Variants in EARS2 observed in about 807,000 individuals in gnomAD.
EARS2 encodes nondiscriminating glutamyl-tRNA synthetase EARS2, mitochondrial.
In EARS2, 50 loss-of-function variants were observed where a neutral mutation model predicts 54.1. The observed-to-expected ratio is 0.92, with a 90% confidence interval of 0.74 to 1.17. EARS2 has a LOEUF of 1.17. Among genes scored for constraint, EARS2 ranks in the 50% most tolerant of loss-of-function variants. The pLI is 0.00. For missense variants in EARS2, 673 were observed against 675.0 expected (o/e 1.00, Z 0.03); for synonymous variants, 298 against 281.0 (o/e 1.06, Z -0.61).
chr16:23,543,469 T>C (rs1336316840), intron 3 of EARS2, among the ~76,000 whole-genome samples: 1 of 150,858 alleles, frequency 6.6e-6, no homozygotes, highest in Admixed American at 6.6e-5. Context: ...CTGATCTGGC[T>C]GGGCACGGTG....
chr16:23,536,152 A>G (rs1266500481), intron 3 of EARS2, among the ~76,000 whole-genome samples: 1 of 152,188 alleles, frequency 6.6e-6, no homozygotes, highest in Non-Finnish European at 1.5e-5. Flanking sequence ...CAGAATCTGA[A>G]CATTAACTAG....
At chr16:23,555,928 C>T (rs372922911) in intron 1 of EARS2, among the ~76,000 whole-genome samples, 5 of 152,342 alleles carry the variant, frequency 3.3e-5, no homozygotes, top group African/African-American at 9.6e-5. Context: ...ATGATTTTAC[C>T]TCTGCTAACC....
intron 3 of EARS2, among the ~76,000 whole-genome samples, chr16:23,542,426 T>C (rs934855845): frequency 1.7e-4 from 26 of 148,654 alleles, no homozygotes; most frequent in African/African-American, 6.2e-4. Flanking sequence ...CAAATGATTC[T>C]CCTGCCTCAG....
chr16:23,534,034 G>A (rs1404184949), intron 4 of EARS2, among the ~76,000 whole-genome samples: 1 of 148,262 alleles, frequency 6.7e-6, no homozygotes, highest in Non-Finnish European at 1.5e-5. Flanking sequence ...CCAGAATGGG[G>A]GACAAGAAGT....
chr16:23,548,076 A>G (rs1965633796), intron 2 of EARS2, among the ~76,000 whole-genome samples: 1 of 151,786 alleles, frequency 6.6e-6, no homozygotes, highest in Non-Finnish European at 1.5e-5. Flanking sequence ...TAAAAATACA[A>G]AAACAAAATT....
chr16:23,545,511 G>T (rs1344143403), intron 2 of EARS2, among the ~76,000 whole-genome samples: 1 of 152,176 alleles, frequency 6.6e-6, no homozygotes, highest in African/African-American at 2.4e-5. Context: ...CTACCAGGTA[G>T]GTGCGGTTAT....
rs541209848 is a variant in EARS2, at chr16:23,539,393, A to G, written c.486-4033T>C. 3.9e-5 allele frequency among the ~76,000 whole-genome samples: 6 copies of G among 152,220 alleles called. No individual in the cohort carries two copies. The South Asian group carries it at 1.0e-3, about 26-fold the overall frequency. On this transcript the variant is annotated intron_variant, in intron 3 of 8. Transcript: ENST00000449606. The stretch of plus-strand genomic sequence containing the variant: ...TGTCTAGGCTTGACTTTTCCACCCC[A>G]ATGACATTTCACTTTATTAAATATT...
chr16:23,529,574 C>A lies in EARS2; in HGVS notation c.1280G>T (p.Arg427Leu), dbSNP rs749562081. 1 of 1,614,134 alleles carries A rather than the reference C, an allele frequency of 6.2e-7. No homozygotes were observed. The highest frequency in any genetic ancestry group is 1.7e-5 in the Admixed American group (1 of 60,016). ...VSPVYSYLWT[R>L]PAVGRAQLDA... ...CAGCTGTGCTCGACCTACTGCAGGG[C>A]GAGTCCACAGGTAAGAGTATACTGG... The change falls in exon 7 of 9, where the codon CGC becomes CTC. Residue 427 changes from arginine (R) to leucine (L), a missense_variant. Transcript: ENST00000449606.
In EARS2 at chr16:23,544,583, G is replaced by C. The variant is rs1356329203; in HGVS notation, c.416C>G (p.Pro139Arg). 6.2e-7 allele frequency: 1 copy of C among 1,613,980 alleles called. No individual in the cohort carries two copies. Among genetic ancestry groups the C allele is most frequent in the Non-Finnish European group, 8.5e-7 (1 of 1,180,042 alleles). ...EALLKTGAAY[P>R]CFCSPQRLEL... ...CAGCCGCTGGGGTGAGCAGAAACAG[G>C]GGTAAGCAGCTCCGGTCTTCAGCAG... Residue 139 changes from proline to arginine, a missense_variant, in exon 3 of 9, where the codon CCC becomes CGC. This residue lies in a region of EARS2 where 316 missense variants were observed against 275.2 expected (regional missense o/e 1.15). Coordinates refer to ENST00000449606, the MANE Select transcript of EARS2 (RefSeq NM_001083614.2).
intron 2 of EARS2, among the ~76,000 whole-genome samples, chr16:23,547,536 A>C (rs1412104474): frequency 6.6e-6 from 1 of 152,076 alleles, no homozygotes; most frequent in Non-Finnish European, 1.5e-5. Flanking sequence ...GACAGAGTCT[A>C]GCTCTGTCAC....
In EARS2 at chr16:23,522,095, C is replaced by T. The variant is rs757369494; in HGVS notation, c.*2276G>A. 1 of 296,844 alleles carries T rather than the reference C, an allele frequency of 3.4e-6. No homozygotes were observed. The highest frequency in any genetic ancestry group is 6.8e-6 in the Non-Finnish European group (1 of 147,458). 18.4% of individuals were successfully genotyped at this position (296,844 alleles called of 1,614,324 possible). ...ATCTGACACCTGGGAGAGGGTGAGG[C>T]TCATATAAGCGCACAATAAATTACA... is the stretch of plus-strand genomic sequence containing the variant. On this transcript the variant is annotated 3_prime_UTR_variant, in exon 9 of 9. Transcript: ENST00000449606.
In EARS2 at chr16:23,535,192, G is replaced by T; in HGVS notation, c.654C>A (p.Val218=). Residue 218 remains valine (V), a synonymous_variant, in exon 4 of 9, where the codon GTC becomes GTA. Coordinates refer to ENST00000449606, the MANE Select transcript of EARS2 (RefSeq NM_001083614.2). ...HEVASVEGDP[V]IMKSDGFPTY... is the part of the protein sequence containing the mutation. ...TGGGGAAGCCGTCGCTCTTCATGAT[G>T]ACTGGGTCTCCCTCCACGCTGGCCA... 6.2e-7 allele frequency: 1 copy of T among 1,613,804 alleles called. No individual in the cohort carries two copies. Among genetic ancestry groups the T allele is most frequent in the Non-Finnish European group, 8.5e-7 (1 of 1,180,020 alleles).
chr16:23,542,488 G>C (rs1965532018), intron 3 of EARS2, among the ~76,000 whole-genome samples: 2 of 150,012 alleles, frequency 1.3e-5, no homozygotes, highest in African/African-American at 4.9e-5. Flanking sequence ...GCTAATTTTT[G>C]TATTTTTAGC....
At chr16:23,550,472 CT>C (rs1200404654) in intron 2 of EARS2, among the ~76,000 whole-genome samples, 3 of 118,150 alleles carry the variant, frequency 2.5e-5, no homozygotes, top group Non-Finnish European at 3.3e-5. Context: ...GAGTCTCACT[CT>C]GTCACCCAGG....
intron 1 of EARS2, among the ~76,000 whole-genome samples, chr16:23,553,622 T>C (rs1209714027): frequency 6.6e-6 from 1 of 151,704 alleles, no homozygotes; most frequent in Admixed American, 6.6e-5. Context: ...TGGGGCATGG[T>C]GGCTCACACC....
At chr16:23,552,877 T>C (rs9924663) in intron 1 of EARS2, 146,399 of 175,190 alleles carry the variant, frequency 0.84, 61,366 homozygotes, top group Middle Eastern at 0.89. Flanking sequence ...CCATCTGCCT[T>C]GGCTTCCCAA....
chr16:23,523,368 A>G lies in EARS2; in HGVS notation c.*1003T>C, dbSNP rs1674141706. On this transcript the variant is annotated 3_prime_UTR_variant, in exon 9 of 9. Transcript: ENST00000449606. ...ACGAGGTGGATTTGAAGAGAAAGCCACAAAATAGGAAGGGTGAAGGTCTCC... is the reference window on the plus strand; with the variant it reads ...ACGAGGTGGATTTGAAGAGAAAGCCGCAAAATAGGAAGGGTGAAGGTCTCC... The G allele has an allele frequency of 6.6e-6, 1 of 152,260 alleles. No individual in the cohort carries two copies. The highest frequency in any genetic ancestry group is 2.4e-5 in the African/African-American group (1 of 41,450). 9.4% of individuals were successfully genotyped at this position (152,260 alleles called of 1,614,324 possible). A position where few individuals can be genotyped will look rare whatever the true frequency, so the allele number is the denominator to read the frequency against.
At chr16:23,526,011 A>G (rs1277579482) in intron 7 of EARS2, among the ~76,000 whole-genome samples, 1 of 151,262 alleles carries the variant, frequency 6.6e-6, no homozygotes, top group East Asian at 1.9e-4. Flanking sequence ...ATAAAAAAAA[A>G]AAAATAATAG....
At position 23,521,417 on chromosome 16, in the gene EARS2, A is replaced by G. The variant is rs185648889; in HGVS notation, c.*2954T>C. Among the ~76,000 whole-genome samples the G allele has an allele frequency of 1.5e-3, 228 of 148,862 alleles. 5 individuals are homozygous for G. The East Asian group carries it at 0.038, about 25-fold the overall frequency. ...TTATTTTATTCATTTTTTTTTTTTT[A>G]GACACAGGATCTTGCTCTGTTGCCC... On this transcript the variant is annotated 3_prime_UTR_variant, in exon 9 of 9. Coordinates refer to ENST00000449606, the MANE Select transcript of EARS2 (RefSeq NM_001083614.2).
Sources: gnomAD v4.1 joint callset for allele counts (sites outside exome capture counted in the v4.1 genomes callset) on GRCh38, gnomAD v4.1.1 for gene constraint, gnomAD v4.1.1 regional missense constraint, MANE v1.5 for transcripts, NCBI Gene and HGNC (gene_info 2026-07-23, HGNC 2026-07-21) for gene names.